FAM217B: variants seen among roughly 807,000 people sequenced by gnomAD.
FAM217B encodes family with sequence similarity 217 member B.
For missense variants in FAM217B, 463 were observed against 456.9 expected (o/e 1.01, Z -0.12); for synonymous variants, 163 against 173.0 (o/e 0.94, Z 0.45).
In FAM217B at chr20:59,945,248, TG is replaced by T. The variant is rs1430954852; in HGVS notation, c.*157del. 3.1e-6 allele frequency: 2 copies of T among 648,386 alleles called. No homozygotes were observed. Among genetic ancestry groups the T allele is most frequent in the African/African-American group, 3.7e-5 (2 of 54,426 alleles). 40.2% of individuals were successfully genotyped at this position (648,386 alleles called of 1,614,324 possible). A position where few individuals can be genotyped will look rare whatever the true frequency, so the allele number is the denominator to read the frequency against. ...TGTCCACCTTTATTTCTACCCTGAGTGGGGTTATTTTCAAAGGGAAGTGTCT... is the reference window on the plus strand; with the variant it reads ...TGTCCACCTTTATTTCTACCCTGAGTGGGTTATTTTCAAAGGGAAGTGTCT... On this transcript the variant is annotated 3_prime_UTR_variant, in exon 4 of 4. Coordinates refer to ENST00000360816, the MANE Select transcript of FAM217B (RefSeq NM_022106.3).
At chr20:59,939,707 C>G, upstream of FAM217B, 1 of 1,335,004 alleles carries the variant, frequency 7.5e-7, no homozygotes, top group Non-Finnish European at 9.5e-7. Flanking sequence ...GGGAGCTGGG[C>G]AGTGAGCGCG....
upstream of FAM217B, among the ~76,000 whole-genome samples, chr20:59,936,096 G>T (rs1490840691): frequency 2.0e-5 from 3 of 152,178 alleles, no homozygotes; most frequent in Admixed American, 1.3e-4. Context: ...ACAGTCTATT[G>T]CTTCAAGGCT....
At chr20:59,937,232 C>T (rs948465658), upstream of FAM217B, 1 of 152,478 alleles carries the variant, frequency 6.6e-6, no homozygotes, top group Non-Finnish European at 1.5e-5. Context: ...CTGTCTTGCT[C>T]TCTGTTTTGG....
chr20:59,937,947 A>G (rs2060872222), upstream of FAM217B: 1 of 152,264 alleles, frequency 6.6e-6, no homozygotes, highest in Non-Finnish European at 1.5e-5. Flanking sequence ...ACAGTTCAAA[A>G]CAATTTAAAA....
At chr20:59,936,609 T>G (rs557730769), upstream of FAM217B, 1 of 152,338 alleles carries the variant, frequency 6.6e-6, no homozygotes, top group African/African-American at 2.4e-5. Flanking sequence ...ACCTGGCATA[T>G]AAAATTGCAT....
chr20:59,935,623 A>G (rs1396587537), upstream of FAM217B, among the ~76,000 whole-genome samples: 1 of 152,202 alleles, frequency 6.6e-6, no homozygotes, highest in Admixed American at 6.5e-5. Flanking sequence ...AAAATTAGCC[A>G]GGCGTGGTGG....
At chr20:59,934,967 A>G (rs1012576617) in intron 1 of FAM217B, among the ~76,000 whole-genome samples, 1 of 152,162 alleles carries the variant, frequency 6.6e-6, no homozygotes, top group East Asian at 1.9e-4. Flanking sequence ...CTTAATTTTG[A>G]TATCTTAGTT....
chr20:59,948,000 C>A lies in FAM217B; in HGVS notation c.*2905C>A. 1 of 161,360 alleles carries A rather than the reference C, an allele frequency of 6.2e-6. No homozygotes were observed. Among genetic ancestry groups the A allele is most frequent in the Admixed American group, 6.8e-5 (1 of 14,716 alleles). 10.0% of individuals were successfully genotyped at this position (161,360 alleles called of 1,614,324 possible). On this transcript the variant is annotated 3_prime_UTR_variant, in exon 4 of 4. Transcript: ENST00000360816. Reference sequence around the variant, plus strand: ...TTTCTGGGGAGTTGTTTACATATACCCTGCATTTAAACCAATTAAAACAAT... The same window carrying A: ...TTTCTGGGGAGTTGTTTACATATACACTGCATTTAAACCAATTAAAACAAT...
chr20:59,939,402 A>C, upstream of FAM217B: 1 of 1,610,686 alleles, frequency 6.2e-7, no homozygotes, highest in East Asian at 2.2e-5. Flanking sequence ...CTCCAGGCAC[A>C]CGAGCTGCCG....
At chr20:59,940,199 G>A (rs970884993), upstream of FAM217B, 2 of 353,362 alleles carry the variant, frequency 5.7e-6, no homozygotes, top group Non-Finnish European at 1.1e-5. Flanking sequence ...GGAGCGCAGG[G>A]TAGCGCCTCT....
At chr20:59,939,257 C>A (rs1040588449), upstream of FAM217B, 3 of 1,611,940 alleles carry the variant, frequency 1.9e-6, no homozygotes, top group African/African-American at 2.7e-5. Flanking sequence ...GGCCTGCGGG[C>A]CCGCGCCACC....
chr20:59,935,418 AT>A (rs201856421), upstream of FAM217B, among the ~76,000 whole-genome samples: 3,717 of 152,196 alleles, frequency 0.024, 90 homozygotes, highest in Non-Finnish European at 0.031. Context: ...TTTACTGTTA[AT>A]TTTTTTTAAA....
In FAM217B at chr20:59,945,011, A is replaced by G. The variant is rs41276972; in HGVS notation, c.1068A>G (p.Ala356=). ...CACATCCTAGGAAAAAGGGAAAGGC[A>G]GAGAGCTGTGGTCATGCCACTGTAT... ...AHAHPRKKGK[A]ESCGHATVSS... Residue 356 remains alanine (A), a synonymous_variant, in exon 4 of 4, where the codon GCA becomes GCG. Transcript: ENST00000360816. The G allele has an allele frequency of 1.5e-3, 2,399 of 1,614,214 alleles. 2 individuals carry two copies. The highest frequency in any genetic ancestry group is 1.8e-3 in the Admixed American group (110 of 60,030).
At position 59,942,487 on chromosome 20, in the gene FAM217B, G is replaced by T. The variant is rs1222651970; in HGVS notation, c.-30G>T. On this transcript the variant is annotated 5_prime_UTR_variant, in exon 3 of 4. Coordinates refer to ENST00000360816, the MANE Select transcript of FAM217B (RefSeq NM_022106.3). ...TGATTTTTTCAAGAAGAGGAATAGG[G>T]TGAATGAATCTCATCAGAAAAGCAG... The T allele has an allele frequency of 6.6e-6, 1 of 152,156 alleles. No individual in the cohort carries two copies. The highest frequency in any genetic ancestry group is 1.5e-5 in the Non-Finnish European group (1 of 68,026). The allele number at this position is 152,156 out of a possible 1,614,324, so 9.4% of individuals were successfully genotyped here. A position where few individuals can be genotyped will look rare whatever the true frequency, so the allele number is the denominator to read the frequency against.
At chr20:59,939,607 G>A (rs1315207066), upstream of FAM217B, 1 of 1,592,848 alleles carries the variant, frequency 6.3e-7, no homozygotes, top group Non-Finnish European at 8.5e-7. Context: ...TCCAAGCCCA[G>A]GGCGTCGGCG....
chr20:59,939,684 T>A, upstream of FAM217B: 2 of 1,434,906 alleles, frequency 1.4e-6, no homozygotes, highest in Non-Finnish European at 1.8e-6. Flanking sequence ...CGCGGCCTTC[T>A]GGCGGCGCTC....
intron 1 of FAM217B, among the ~76,000 whole-genome samples, chr20:59,934,698 A>T (rs968185475): frequency 1.2e-4 from 18 of 151,134 alleles, no homozygotes; most frequent in African/African-American, 4.5e-4. Context: ...GGTATCTTCA[A>T]ATCAAAATTT....
upstream of FAM217B, chr20:59,939,742 GGC>G: frequency 1.6e-6 from 2 of 1,233,884 alleles, no homozygotes; most frequent in Non-Finnish European, 2.0e-6. Context: ...ATGGGCCGCA[GGC>G]GGGGGTCGCA....
rs2060935339 is a variant in FAM217B, at chr20:59,946,051, C to T, written c.*956C>T. ...AAGTTACTGATTTGGGTTCCACACC[C>T]TGTGGTCCTTAGTCAAAAATAATGA... On this transcript the variant is annotated 3_prime_UTR_variant, in exon 4 of 4. Transcript: ENST00000360816. 1 of 167,060 alleles carries T rather than the reference C, an allele frequency of 6.0e-6. No individual in the cohort carries two copies. Among genetic ancestry groups the T allele is most frequent in the Non-Finnish European group, 1.5e-5 (1 of 68,114 alleles). 10.3% of individuals were successfully genotyped at this position (167,060 alleles called of 1,614,324 possible). A position where few individuals can be genotyped will look rare whatever the true frequency, so the allele number is the denominator to read the frequency against.
Sources: allele counts gnomAD v4.1 joint callset (sites outside exome capture counted in the v4.1 genomes callset), GRCh38; gene constraint gnomAD v4.1.1; transcripts MANE v1.5; gene names NCBI Gene and HGNC (gene_info 2026-07-23, HGNC 2026-07-21).